The following TRIO variants were observed in gnomAD, a reference collection of about 807,000 sequenced individuals.
The protein encoded by TRIO is trio Rho guanine nucleotide exchange factor, also known as triple functional domain protein.
TRIO carries 58 observed loss-of-function variants against 351.9 expected under a neutral mutation model. The observed-to-expected ratio is 0.16, with a 90% CI of 0.13 to 0.21. The LOEUF (loss-of-function observed/expected upper bound fraction) is 0.21. TRIO is among the 10% of genes least tolerant of loss of function. The pLI, the probability that TRIO is intolerant of heterozygous loss-of-function variation, is 1.00. For missense variants in TRIO, 3,201 were observed against 4,027.8 expected, an observed-to-expected ratio of 0.79 and a Z score of 5.56; for synonymous variants, 1,758 against 1,595.7, an observed-to-expected ratio of 1.10 and a Z score of -2.42.
chr5:14,297,309 T>A (rs373756449), intron 7 of TRIO, 46 bp downstream of exon 7: 1 of 1,574,456 alleles, frequency 6.4e-7, no homozygotes, highest in Non-Finnish European at 8.6e-7. Context: ...ACCAGAATAG[T>A]TCTTCCTCCA....
At chr5:14,495,691 A>G (rs1475986002) in intron 49 of TRIO, among the ~76,000 whole-genome samples, 1 of 136,832 alleles carries the variant, frequency 7.3e-6, no homozygotes, top group African/African-American at 2.8e-5. Context: ...AAAAAAGGCC[A>G]GGCGTGGTGG....
At chr5:14,372,631 A>G (rs1271952798) in intron 18 of TRIO, among the ~76,000 whole-genome samples, 1 of 152,118 alleles carries the variant, frequency 6.6e-6, no homozygotes, top group Non-Finnish European at 1.5e-5. Context: ...GATCCTTTTT[A>G]TTTGCCATTT....
At chr5:14,318,279 C>CA (rs759632595) in intron 9 of TRIO, among the ~76,000 whole-genome samples, 6,756 of 46,332 alleles carry the variant, frequency 0.15, 702 homozygotes, top group African/African-American at 0.21. Flanking sequence ...GACTCTATCT[C>CA]AAAAAAAAAA....
intron 2 of TRIO, among the ~76,000 whole-genome samples, chr5:14,276,726 G>A (rs953651630): frequency 8.5e-5 from 13 of 152,210 alleles, no homozygotes; most frequent in Non-Finnish European, 1.3e-4. Flanking sequence ...CAAAGCAAGC[G>A]TGGCTTTCTT....
At position 14,180,100 on chromosome 5, in the gene TRIO, C is replaced by CAAAAAAAAAA. The variant is rs70964542; in HGVS notation, c.157+36237_157+36246dup. Among the ~76,000 whole-genome samples, 6 of 27,748 alleles carry CAAAAAAAAAA rather than the reference C, an allele frequency of 2.2e-4. 1 individual carries two copies. The highest frequency in any genetic ancestry group is 3.5e-4 in the Non-Finnish European group (5 of 14,246). 18.2% of individuals were successfully genotyped at this position (27,748 alleles called of 152,430 possible). ...TGGGTGACAGAGCAGGACTCCTGCT[C>CAAAAAAAAAA]AAAAAAAAAAAAAAAAAAAAAAAAA... is the stretch of plus-strand genomic sequence containing the variant. On this transcript the variant is annotated intron_variant, in intron 1 of 56. Coordinates refer to ENST00000344204, the MANE Select transcript of TRIO (RefSeq NM_007118.4).
intron 56 of TRIO, 143 bp downstream of exon 56, chr5:14,507,403 T>C: frequency 1.7e-6 from 2 of 1,166,498 alleles, no homozygotes; most frequent in Non-Finnish European, 2.3e-6. Context: ...CAGACACTGA[T>C]TGCTAATCTC....
chr5:14,393,640 G>C (rs256413), intron 27 of TRIO, among the ~76,000 whole-genome samples: 41,868 of 152,100 alleles, frequency 0.28, 5,998 homozygotes, highest in Middle Eastern at 0.37. Flanking sequence ...GTGTAAAGTG[G>C]TGAGTAGCAC....
Position 14,403,844 on chromosome 5 carries a change from C to T in TRIO, c.4717-2004C>T, listed in dbSNP as rs1277934840. Among the ~76,000 whole-genome samples the T allele has an allele frequency of 2.3e-4, 6 of 25,976 alleles. 1 individual carries two copies. The highest frequency in any genetic ancestry group is 2.8e-3 in the South Asian group (2 of 718). 17.0% of individuals were successfully genotyped at this position (25,976 alleles called of 152,430 possible). On this transcript the variant is annotated intron_variant, in intron 31 of 56. Coordinates refer to ENST00000344204, the MANE Select transcript of TRIO (RefSeq NM_007118.4). ...GAGGGTGCAGGTGGTGGTGAGGGTGCAGGTGGTGGTGAGGGTGCAGGTGGT... is the reference window on the plus strand; with the variant it reads ...GAGGGTGCAGGTGGTGGTGAGGGTGTAGGTGGTGGTGAGGGTGCAGGTGGT...
At chr5:14,456,165 G>T (rs577987464) in intron 34 of TRIO, among the ~76,000 whole-genome samples, 10 of 152,374 alleles carry the variant, frequency 6.6e-5, no homozygotes, top group Admixed American at 6.5e-4. Context: ...CACTCGGAGT[G>T]CAGGGCCCGC....
intron 1 of TRIO, among the ~76,000 whole-genome samples, chr5:14,151,377 TG>T (rs1243819424): frequency 6.1e-4 from 51 of 84,176 alleles, no homozygotes; most frequent in South Asian, 5.5e-3. Flanking sequence ...ATTGTGTGTG[TG>T]TGTGTGTTTG....
chr5:14,208,060 A>T (rs1454502348), intron 1 of TRIO, among the ~76,000 whole-genome samples: 1 of 152,240 alleles, frequency 6.6e-6, no homozygotes, highest in Non-Finnish European at 1.5e-5. Context: ...ATAAATTGGG[A>T]ATATAAGGTT....
intron 19 of TRIO, among the ~76,000 whole-genome samples, chr5:14,376,210 A>G (rs767544187): frequency 3.3e-5 from 5 of 152,168 alleles, no homozygotes; most frequent in South Asian, 2.1e-4. Flanking sequence ...AAAACTTCCT[A>G]TATTAATGGT....
At chr5:14,388,733 C>T (rs1746783183) in intron 24 of TRIO, 54 bp downstream of exon 24, 3 of 1,537,680 alleles carry the variant, frequency 2.0e-6, no homozygotes, top group Non-Finnish European at 2.6e-6. Context: ...TGAGCATAAG[C>T]TTGCTATTTT....
chr5:14,485,038 C>G (rs1431401955), intron 46 of TRIO, 31 bp from the exon 47 acceptor site: 1 of 1,510,532 alleles, frequency 6.6e-7, no homozygotes, highest in Non-Finnish European at 8.9e-7. Context: ...CACCTGTTAG[C>G]TATTATGAAT....
At chr5:14,480,399 T>G (rs1044037752) in intron 43 of TRIO, among the ~76,000 whole-genome samples, 26 of 152,350 alleles carry the variant, frequency 1.7e-4, no homozygotes, top group African/African-American at 6.3e-4. Context: ...AAGTGAATTT[T>G]TTTTCCCCCA....
chr5:14,381,090 T>C lies in TRIO; in HGVS notation c.3448-40T>C, dbSNP rs767982429. 132 of 1,586,784 alleles carry C rather than the reference T, an allele frequency of 8.3e-5. 1 individual carries two copies. Among genetic ancestry groups the C allele is most frequent in the Non-Finnish European group, 1.1e-4 (125 of 1,169,564 alleles). ...CGGGGCTTTGGGCTCCTCTCAGGAA[T>C]GTGTAGCCCTCTGACTCCATTCATT... On this transcript the variant is annotated intron_variant, in intron 20 of 56. Coordinates refer to ENST00000344204, the MANE Select transcript of TRIO (RefSeq NM_007118.4).
chr5:14,150,845 A>G (rs1408359916), intron 1 of TRIO, among the ~76,000 whole-genome samples: 2 of 152,224 alleles, frequency 1.3e-5, no homozygotes, highest in South Asian at 2.1e-4. Context: ...GGGGTGATCT[A>G]GGGTAATGGT....
rs777155345 is a variant in TRIO at position 14,488,107 on chromosome 5, C to T, written c.7479C>T (p.Pro2493=). The T allele has an allele frequency of 1.2e-6, 2 of 1,609,614 alleles. No homozygotes were observed. Among genetic ancestry groups the T allele is most frequent in the Admixed American group, 1.7e-5 (1 of 59,912 alleles). Residue 2493 remains proline, a synonymous_variant, in exon 48 of 57, where the codon CCC becomes CCT. Transcript: ENST00000344204. The part of the protein sequence containing the change: ...GSFWSSIPAS[P]ASRPGSFTFP... ...TCTGGAGCTCCATCCCCGCCTCCCC[C>T]GCCAGCCGACCCGGCTCCTTCACCT...
intron 1 of TRIO, among the ~76,000 whole-genome samples, chr5:14,158,199 T>C (rs1788230857): frequency 6.6e-6 from 1 of 152,018 alleles, no homozygotes; most frequent in Admixed American, 6.6e-5. Flanking sequence ...GCCCGAAGCA[T>C]GCGGATCACG....
Sources: allele counts gnomAD v4.1 joint callset (sites outside exome capture counted in the v4.1 genomes callset), GRCh38; gene constraint gnomAD v4.1.1; transcripts MANE v1.5; gene names NCBI Gene and HGNC (gene_info 2026-07-23, HGNC 2026-07-21).